The following LAMB4 variants were observed in gnomAD, a reference collection of about 807,000 sequenced individuals.
The protein encoded by LAMB4 is laminin subunit beta-4.
Under a neutral mutation model 199.2 loss-of-function variants are expected in LAMB4, and 196 were observed. That is an observed-to-expected ratio of 0.98 (90% confidence interval 0.88 to 1.11). The LOEUF (loss-of-function observed/expected upper bound fraction) is 1.11, where lower values mean the gene tolerates loss of function less well. Among genes scored for constraint, LAMB4 ranks in the 50% least tolerant of loss-of-function variants. The pLI is 0.00. For synonymous variants in LAMB4, 744 were observed against 770.6 expected, an observed-to-expected ratio of 0.97 and a Z score of 0.57; for missense variants, 2,080 against 2,171.2, an observed-to-expected ratio of 0.96 and a Z score of 0.83.
At chr7:108,118,474 A>G (rs1303806515) in intron 2 of LAMB4, among the ~76,000 whole-genome samples, 10 of 152,166 alleles carry the variant, frequency 6.6e-5, no homozygotes, top group Non-Finnish European at 2.9e-5. Context: ...GAAATAGACC[A>G]ATAAAAATAT....
chr7:108,115,883 G>T, intron 3 of LAMB4, 121 bp downstream of exon 3: 3 of 1,057,316 alleles, frequency 2.8e-6, no homozygotes, highest in Non-Finnish European at 4.1e-6. Context: ...CTGCACCAGT[G>T]TCTCCATTGT....
chr7:108,100,639 G>T (rs1166093891), intron 10 of LAMB4, among the ~76,000 whole-genome samples: 1 of 152,156 alleles, frequency 6.6e-6, no homozygotes, highest in South Asian at 2.1e-4. Flanking sequence ...GACTTTGATT[G>T]ATGTGCTCAA....
At chr7:108,089,368 C>T (rs959758139) in intron 14 of LAMB4, among the ~76,000 whole-genome samples, 1 of 152,166 alleles carries the variant, frequency 6.6e-6, no homozygotes, top group Non-Finnish European at 1.5e-5. Context: ...ATTTACACTC[C>T]CTGCTGTACC....
rs1303297346 is a variant in LAMB4 at position 108,069,795 on chromosome 7, C to T, written c.2215G>A (p.Ala739Thr). ...AGCACTTGAGGTCCCATTGCTGAGGCAATTTCAACACAGTTGTGAAGCTGA... is the reference window on the plus strand; with the variant it reads ...AGCACTTGAGGTCCCATTGCTGAGGTAATTTCAACACAGTTGTGAAGCTGA... The part of the protein sequence containing the change: ...EYQLHNCVEI[A>T]SAMGPQVLPG... Residue 739 changes from alanine to threonine, a missense_variant, in exon 18 of 34, where the codon GCC becomes ACC. Transcript: ENST00000388781. 6.2e-7 allele frequency: 1 copy of T among 1,614,058 alleles called. No homozygotes were observed. Among genetic ancestry groups the T allele is most frequent in the Admixed American group, 1.7e-5 (1 of 60,018 alleles).
At chr7:108,078,455 A>C (rs747456897) in intron 15 of LAMB4, 139 bp from the exon 16 acceptor site, 1 of 601,632 alleles carries the variant, frequency 1.7e-6, no homozygotes, top group East Asian at 2.8e-5. Context: ...TTTGGAGTTG[A>C]AAGAGTCTTA....
intron 29 of LAMB4, among the ~76,000 whole-genome samples, chr7:108,039,474 T>C (rs945114308): frequency 2.7e-5 from 4 of 150,450 alleles, no homozygotes; most frequent in Non-Finnish European, 4.4e-5. Context: ...TTCTTTCTTT[T>C]TTTTTTTTTT....
chr7:108,098,218 A>T (rs2037688807), intron 11 of LAMB4, among the ~76,000 whole-genome samples, 185 bp downstream of exon 11: 1 of 152,192 alleles, frequency 6.6e-6, no homozygotes. Flanking sequence ...CTGTAATCCC[A>T]GCTACTCGGG....
chr7:108,069,103 G>T (rs2036444809), intron 18 of LAMB4, among the ~76,000 whole-genome samples: 2 of 152,316 alleles, frequency 1.3e-5, no homozygotes, highest in South Asian at 4.1e-4. Flanking sequence ...GGAAGCCTCG[G>T]CTGTCATTGT....
intron 33 of LAMB4, among the ~76,000 whole-genome samples, chr7:108,028,633 C>A (rs57173830): frequency 1.3e-5 from 2 of 152,066 alleles, no homozygotes; most frequent in African/African-American, 4.8e-5. Flanking sequence ...CCCACCACCA[C>A]GCCTGGCTAA....
intron 30 of LAMB4, among the ~76,000 whole-genome samples, chr7:108,036,163 G>C (rs2035222698): frequency 6.6e-6 from 1 of 151,408 alleles, no homozygotes; most frequent in South Asian, 2.1e-4. Flanking sequence ...CAGCCCATCA[G>C]TATCACTTTT....
chr7:108,051,430 G>C (rs1402862558), intron 26 of LAMB4, among the ~76,000 whole-genome samples: 1 of 152,088 alleles, frequency 6.6e-6, no homozygotes, highest in African/African-American at 2.4e-5. Context: ...GGATGGCTTA[G>C]GTGTGAATAA....
intron 14 of LAMB4, among the ~76,000 whole-genome samples, chr7:108,084,571 A>G (rs1462896291): frequency 2.0e-5 from 3 of 152,200 alleles, no homozygotes; most frequent in Non-Finnish European, 4.4e-5. Context: ...CAGATAGTGC[A>G]CAACACGGGC....
rs1352302544 is a variant in LAMB4 at position 108,098,504 on chromosome 7, G to C, written c.1259C>G (p.Ala420Gly). ...SHSDPALGSV[A>G]GQCLCKENVE... ...GTTCTCTTTACAAAGGCACTGGCCG[G>C]CCACAGACCCTAAGGCAGGATCAGA... The change falls in exon 11 of 34, where the codon GCC becomes GGC. Residue 420 changes from alanine (A) to glycine (G), a missense_variant. Ala to Gly is a moderately conservative substitution (Grantham distance 60). Transcript: ENST00000388781. The C allele has an allele frequency of 6.2e-7, 1 of 1,613,930 alleles. No homozygotes were observed. Among genetic ancestry groups the C allele is most frequent in the Non-Finnish European group, 8.5e-7 (1 of 1,180,004 alleles).
chr7:108,104,760 G>T, intron 8 of LAMB4, 141 bp from the exon 9 acceptor site: 1 of 873,174 alleles, frequency 1.1e-6, no homozygotes, highest in Non-Finnish European at 1.7e-6. Context: ...TACCAACCTT[G>T]ATTATCTTCT....
intron 24 of LAMB4, 58 bp from the exon 25 acceptor site, chr7:108,056,065 C>G (rs1401708556): frequency 3.7e-5 from 55 of 1,492,940 alleles, no homozygotes; most frequent in Non-Finnish European, 4.8e-5. Context: ...TGATGACTAA[C>G]TCAAGAATCA....
intron 25 of LAMB4, among the ~76,000 whole-genome samples, chr7:108,053,736 C>T (rs1325992456): frequency 3.3e-5 from 5 of 152,220 alleles, no homozygotes; most frequent in Admixed American, 6.5e-5. Flanking sequence ...CTCTTGCAGT[C>T]TCTGTCCAGA....
chr7:108,079,524 C>A, intron 15 of LAMB4, 77 bp downstream of exon 15: 2 of 1,226,606 alleles, frequency 1.6e-6, no homozygotes, highest in Non-Finnish European at 2.3e-6. Flanking sequence ...CCTATTCTAG[C>A]AAGGCTGAAA....
At chr7:108,119,511 A>G (rs1584790466) in intron 2 of LAMB4, among the ~76,000 whole-genome samples, 1 of 152,222 alleles carries the variant, frequency 6.6e-6, no homozygotes, top group Non-Finnish European at 1.5e-5. Flanking sequence ...TGCGGAGTGA[A>G]AAAAGGTTAT....
chr7:108,116,377 T>A lies in LAMB4; in HGVS notation c.35-216A>T, dbSNP rs561669258. 3.3e-4 allele frequency among the ~76,000 whole-genome samples: 50 copies of A among 152,302 alleles called. 1 individual carries two copies. The South Asian group carries it at 1.0e-2, about 30-fold the overall frequency. ...CTCTTTGAGTCTTTTGAAATCTGTATTTCAAAATACAGATTTGGATTAAAA... is the reference window on the plus strand; with the variant it reads ...CTCTTTGAGTCTTTTGAAATCTGTAATTCAAAATACAGATTTGGATTAAAA... On this transcript the variant is annotated intron_variant, in intron 2 of 33. Coordinates refer to ENST00000388781, the MANE Select transcript of LAMB4 (RefSeq NM_007356.3).
Sources: allele counts gnomAD v4.1 joint callset (sites outside exome capture counted in the v4.1 genomes callset), GRCh38; gene constraint gnomAD v4.1.1; transcripts MANE v1.5; gene names NCBI Gene and HGNC (gene_info 2026-07-23, HGNC 2026-07-21).